The following ZNF41 variants were observed in gnomAD, a reference collection of about 807,000 sequenced individuals.
ZNF41 encodes zinc finger protein 41.
ZNF41 carries 6 observed loss-of-function variants against 9.3 expected under a neutral mutation model. The observed-to-expected ratio is 0.65, with a 90% confidence interval of 0.35 to 1.28. The LOEUF (loss-of-function observed/expected upper bound fraction) is 1.28, where lower values mean the gene tolerates loss of function less well. Ranked by LOEUF, ZNF41 falls within the 50% of genes most tolerant of loss-of-function variation. ZNF41 has a pLI of 0.03. For synonymous variants in ZNF41, 192 were observed against 207.1 expected (o/e 0.93, Z 0.63); for missense variants, 523 against 585.8 (o/e 0.89, Z 1.11).
chrX:47,457,282 C>T (rs958828545), intron 2 of ZNF41, among the ~76,000 whole-genome samples: 3 of 110,346 alleles, frequency 2.7e-5, no homozygotes, highest in East Asian at 2.9e-4. Context: ...TGGTGGCGCA[C>T]GCCCGTAATC....
intron 2 of ZNF41, among the ~76,000 whole-genome samples, chrX:47,458,765 C>T (rs903102646): frequency 2.8e-4 from 30 of 108,482 alleles, no homozygotes; most frequent in African/African-American, 9.1e-4. Context: ...TATGCTGCTT[C>T]GTTTTTTTTT....
At position 47,465,837 on chromosome X, in the gene ZNF41, T is replaced by C. The variant is rs1171360966; in HGVS notation, c.72+1573A>G. ...AAACATTAAAATAAATAAATAAAAT[T>C]AAAAAAATAGTGAACTGGCTAAATT... On this transcript the variant is annotated intron_variant, in intron 2 of 4. Coordinates refer to ENST00000684689, the MANE Select transcript of ZNF41 (RefSeq NM_001324144.2). Among the ~76,000 whole-genome samples, 5 of 111,329 alleles carry C rather than the reference T, an allele frequency of 4.5e-5. No individual in the cohort carries two copies. The East Asian group carries it at 1.4e-3, about 31-fold the overall frequency.
At chrX:47,476,645 A>G (rs2057339037) in intron 1 of ZNF41, among the ~76,000 whole-genome samples, 1 of 111,484 alleles carries the variant, frequency 9.0e-6, no homozygotes, top group Non-Finnish European at 1.9e-5. Context: ...GGAAGGATAG[A>G]ATTAAAAAGA....
At chrX:47,458,481 A>T (rs906658726) in intron 2 of ZNF41, among the ~76,000 whole-genome samples, 1 of 111,744 alleles carries the variant, frequency 8.9e-6, no homozygotes, top group African/African-American at 3.2e-5. Flanking sequence ...AAAAATAACA[A>T]TAGAGTAAAG....
intron 1 of ZNF41, among the ~76,000 whole-genome samples, chrX:47,470,814 T>C (rs1020939401): frequency 9.0e-6 from 1 of 110,696 alleles, no homozygotes. Flanking sequence ...TATGTTATAA[T>C]GCAAAGAAAT....
chrX:47,445,400 C>CTT lies in ZNF41; in HGVS notation c.*2029_*2030insAA, dbSNP rs1332716500. Among the ~76,000 whole-genome samples, 1 of 111,861 alleles carries CTT rather than the reference C, an allele frequency of 8.9e-6. No individual in the cohort carries two copies. The highest frequency in any genetic ancestry group is 1.9e-5 in the Non-Finnish European group (1 of 53,210). On this transcript the variant is annotated 3_prime_UTR_variant, in exon 5 of 5. Coordinates refer to ENST00000684689, the MANE Select transcript of ZNF41 (RefSeq NM_001324144.2). ...GTCTCAGGTCTCAGCCATCACTCAT[C>CTT]TATCCTGGGGAGATACTACAATGGT...
chrX:47,462,791 T>C (rs1214272776), intron 2 of ZNF41, among the ~76,000 whole-genome samples: 1 of 109,340 alleles, frequency 9.1e-6, no homozygotes, highest in African/African-American at 3.3e-5. Flanking sequence ...AGGGCGTCAC[T>C]CTGCCACCCA....
chrX:47,466,663 A>G (rs770499864), intron 2 of ZNF41, among the ~76,000 whole-genome samples: 65 of 111,109 alleles, frequency 5.9e-4, no homozygotes, highest in African/African-American at 2.1e-3. Flanking sequence ...GATTACAGGC[A>G]TGTGCCACCA....
At chrX:47,470,138 G>C (rs1027982377) in intron 1 of ZNF41, among the ~76,000 whole-genome samples, 19 of 110,696 alleles carry the variant, frequency 1.7e-4, no homozygotes, top group African/African-American at 6.2e-4. Context: ...CTGAGGCCGG[G>C]CGCAGTGGCT....
chrX:47,456,641 G>A (rs988559621), intron 2 of ZNF41, among the ~76,000 whole-genome samples: 2 of 111,429 alleles, frequency 1.8e-5, no homozygotes, highest in African/African-American at 6.5e-5. Context: ...ATTTTAAATG[G>A]GCTCTCTTTA....
At chrX:47,457,818 C>A (rs1243454095) in intron 2 of ZNF41, among the ~76,000 whole-genome samples, 1 of 112,189 alleles carries the variant, frequency 8.9e-6, no homozygotes, top group Non-Finnish European at 1.9e-5. Context: ...GCCTGGGCGA[C>A]AGAACGAGAC....
In ZNF41 at chrX:47,470,742, T is replaced by C. The variant is rs777143551; in HGVS notation, c.-279-2982A>G. ...GACTCTATTTCAAAAAAAAAAAAAA[T>C]AGTAAACAAAAAATAATAGGAGAAA... On this transcript the variant is annotated intron_variant, in intron 1 of 4. Coordinates refer to ENST00000684689, the MANE Select transcript of ZNF41 (RefSeq NM_001324144.2). Among the ~76,000 whole-genome samples, 5 of 87,691 alleles carry C rather than the reference T, an allele frequency of 5.7e-5. No homozygotes were observed. The South Asian group carries it at 2.4e-3, about 43-fold the overall frequency. 76.1% of individuals were successfully genotyped at this position (87,691 alleles called of 115,157 possible).
intron 1 of ZNF41, among the ~76,000 whole-genome samples, chrX:47,476,064 G>A (rs2057324808): frequency 9.0e-6 from 1 of 111,713 alleles, no homozygotes; most frequent in Admixed American, 9.6e-5. Flanking sequence ...AAAAGGCACA[G>A]AGGCTGGGCT....
At chrX:47,463,538 T>G (rs1233368994) in intron 2 of ZNF41, among the ~76,000 whole-genome samples, 2 of 111,396 alleles carry the variant, frequency 1.8e-5, no homozygotes, top group Non-Finnish European at 3.8e-5. Flanking sequence ...CCATTCTTTC[T>G]GGCTCTCCTC....
chrX:47,462,966 CATAT>C (rs1355223951), intron 2 of ZNF41, among the ~76,000 whole-genome samples: 1 of 68,605 alleles, frequency 1.5e-5, no homozygotes, highest in Non-Finnish European at 3.5e-5. Flanking sequence ...CACACACACA[CATAT>C]GTGTACACAC....
At chrX:47,467,789 C>T in intron 1 of ZNF41, 29 bp from the exon 2 acceptor site, 1 of 339,169 alleles carries the variant, frequency 2.9e-6, no homozygotes, top group Non-Finnish European at 5.1e-6. Context: ...CGGTAAAACC[C>T]ACACCAAGTA....
intron 2 of ZNF41, among the ~76,000 whole-genome samples, chrX:47,459,539 T>C (rs769378499): frequency 9.3e-6 from 1 of 107,126 alleles, no homozygotes; most frequent in East Asian, 3.0e-4. Context: ...GCTCAGGAGT[T>C]TGAGACCAGC....
intron 1 of ZNF41, among the ~76,000 whole-genome samples, chrX:47,481,670 C>T (rs940581505): frequency 1.9e-4 from 21 of 111,625 alleles, no homozygotes; most frequent in African/African-American, 6.5e-4. Flanking sequence ...AACCGAACAG[C>T]AGCAACCACA....
chrX:47,448,710 G>A lies in ZNF41; in HGVS notation c.1060C>T (p.Pro354Ser). The A allele has an allele frequency of 8.3e-7, 1 of 1,211,573 alleles. No individual in the cohort carries two copies. Among genetic ancestry groups the A allele is most frequent in the Non-Finnish European group, 1.1e-6 (1 of 895,541 alleles). ...TTTCCACATTCACTGCATTTGTAGG[G>A]TTTCTGCCCGGTATGAATTTTTTGA... ...THQKIHTGQK[P>S]YKCSECGKAF... The change falls in exon 5 of 5, where the codon CCC becomes TCC. Residue 354 changes from proline to serine, a missense_variant. By Grantham distance (74) the Pro-to-Ser change is moderately conservative. Transcript: ENST00000684689.
Sources: gnomAD v4.1 joint callset for allele counts (sites outside exome capture counted in the v4.1 genomes callset) on GRCh38, gnomAD v4.1.1 for gene constraint, MANE v1.5 for transcripts, NCBI Gene and HGNC (gene_info 2026-07-23, HGNC 2026-07-21) for gene names.